NCOR2: variants seen among roughly 807,000 people sequenced by gnomAD.
The protein encoded by NCOR2 is CTG repeat protein 26.
In NCOR2, 81 loss-of-function variants were observed where a neutral mutation model predicts 262.9. The observed-to-expected ratio is 0.31, with a 90% CI of 0.26 to 0.37. NCOR2 has a LOEUF of 0.37. NCOR2 is among the 10% of genes least tolerant of loss of function. The pLI is 1.00. For missense variants in NCOR2, 3,385 were observed against 3,621.4 expected, an observed-to-expected ratio of 0.93 and a Z score of 1.68; for synonymous variants, 1,659 against 1,559.3, an observed-to-expected ratio of 1.06 and a Z score of -1.51.
chr12:124,372,153 C>A, exon 20 of NCOR2: 1 of 1,601,508 alleles, frequency 6.2e-7, no homozygotes. Context: ...TCTTCTCTGC[C>A]TTGAGCGCCC....
At chr12:124,488,944 A>G (rs941164668) in intron 1 of NCOR2, among the ~76,000 whole-genome samples, 13 of 151,624 alleles carry the variant, frequency 8.6e-5, no homozygotes, top group Non-Finnish European at 1.8e-4. Flanking sequence ...TCCTCCTAGG[A>G]GCATCTTGGG....
At chr12:124,339,865 T>G (rs772742514) in intron 37 of NCOR2, 141 bp downstream of exon 39, 16 of 950,174 alleles carry the variant, frequency 1.7e-5, no homozygotes, top group African/African-American at 2.8e-5. Context: ...TACTCACACA[T>G]AGTCTATTCT....
At chr12:124,398,838 A>C (rs531930800) in intron 15 of NCOR2, among the ~76,000 whole-genome samples, 11 of 152,186 alleles carry the variant, frequency 7.2e-5, no homozygotes, top group African/African-American at 2.6e-4. Flanking sequence ...TCATACCCCC[A>C]CTCATCCAGG....
intron 7 of NCOR2, among the ~76,000 whole-genome samples, chr12:124,445,360 G>A (rs11057627): frequency 0.12 from 18,459 of 152,170 alleles, 1,228 homozygotes; most frequent in East Asian, 0.19. Context: ...TGGTCTGAGC[G>A]CTCCCTCCTG....
chr12:124,343,480 C>A (rs976958643), intron 32 of NCOR2, among the ~76,000 whole-genome samples: 1 of 152,242 alleles, frequency 6.6e-6, no homozygotes, highest in Non-Finnish European at 1.5e-5. Flanking sequence ...ACGTGGCAAG[C>A]ATTGTTGTGA....
rs1397855150 is a variant in NCOR2 at position 124,481,068 on chromosome 12, C to G, written c.411+2528G>C. Among the ~76,000 whole-genome samples, 1 of 142,626 alleles carries G rather than the reference C, an allele frequency of 7.0e-6. No individual in the cohort carries two copies. Among genetic ancestry groups the G allele is most frequent in the Admixed American group, 7.2e-5 (1 of 13,972 alleles). 93.6% of individuals were successfully genotyped at this position (142,626 alleles called of 152,430 possible). A position where few individuals can be genotyped will look rare whatever the true frequency, so the allele number is the denominator to read the frequency against. On this transcript the variant is annotated intron_variant, in intron 3 of 46. Coordinates refer to ENST00000405201, the Ensembl canonical transcript of NCOR2. This position sits in a 1 kb window ranked among gnomAD's most constrained non-coding sequence, Gnocchi z 4.6. ...TAGGGAGGTTGCCCCAGGGGATGAG[C>G]AGGGAGAGATGGCAGGAGCTGAGGA...
upstream of NCOR2, chr12:124,567,527 G>C (rs1566067559): frequency 6.8e-6 from 1 of 146,436 alleles, no homozygotes; most frequent in Non-Finnish European, 1.5e-5. Flanking sequence ...CGCAGGGCTC[G>C]GGCGGGGCGC....
chr12:124,337,883 C>G (rs1182363414), intron 37 of NCOR2, among the ~76,000 whole-genome samples: 1 of 152,236 alleles, frequency 6.6e-6, no homozygotes, highest in Non-Finnish European at 1.5e-5. Flanking sequence ...CCCCATCTCT[C>G]GCTAACTCTA....
At chr12:124,412,069 G>A (rs2042614999) in intron 13 of NCOR2, among the ~76,000 whole-genome samples, 1 of 152,210 alleles carries the variant, frequency 6.6e-6, no homozygotes, top group South Asian at 2.1e-4. Context: ...CACATCCCTC[G>A]CCTCCAGCCG....
At chr12:124,456,571 C>T (rs1057264632) in intron 6 of NCOR2, among the ~76,000 whole-genome samples, 50 of 152,190 alleles carry the variant, frequency 3.3e-4, no homozygotes, top group African/African-American at 1.0e-3. Context: ...AAGGCAGGCG[C>T]GGCACCCGAT....
At chr12:124,496,065 C>T (rs918464458), upstream of NCOR2, among the ~76,000 whole-genome samples, 2 of 152,110 alleles carry the variant, frequency 1.3e-5, no homozygotes, top group Non-Finnish European at 2.9e-5. The surrounding 1 kb of genome is among the most constrained non-coding windows in gnomAD (Gnocchi z 4.4). Context: ...ATACTGGAGC[C>T]TTCCACGGGA....
intron 20 of NCOR2, 84 bp downstream of exon 22, chr12:124,371,938 C>T: frequency 7.3e-7 from 1 of 1,365,584 alleles, no homozygotes; most frequent in South Asian, 1.5e-5. Context: ...CAGAGCCAGA[C>T]TGGGTGCGGC....
At chr12:124,427,539 C>T (rs1397851110) in intron 10 of NCOR2, among the ~76,000 whole-genome samples, 2 of 152,214 alleles carry the variant, frequency 1.3e-5, no homozygotes, top group Non-Finnish European at 2.9e-5. Context: ...CCAGTTCAAA[C>T]GATCCAGCTG....
chr12:124,385,936 G>T (rs1290836126), intron 16 of NCOR2, 49 bp from the exon 19 acceptor site: 7 of 1,590,374 alleles, frequency 4.4e-6, no homozygotes, highest in Non-Finnish European at 5.1e-6. Flanking sequence ...CCGGCACGCA[G>T]AGGGGGCCTG....
chr12:124,558,878 T>C (rs913939157), intron 1 of NCOR2, among the ~76,000 whole-genome samples: 1 of 152,182 alleles, frequency 6.6e-6, no homozygotes, highest in Non-Finnish European at 1.5e-5. Flanking sequence ...CCAGGGAAAC[T>C]GAGGAACTCC....
intron 11 of NCOR2, among the ~76,000 whole-genome samples, chr12:124,424,857 TCCC>T (rs1194288028): frequency 6.6e-6 from 1 of 152,096 alleles, no homozygotes; most frequent in Non-Finnish European, 1.5e-5. Flanking sequence ...CTTCCCTGCG[TCCC>T]CTCCTGGCCA....
chr12:124,377,796 G>T (rs189679853), intron 18 of NCOR2, among the ~76,000 whole-genome samples: 1 of 150,726 alleles, frequency 6.6e-6, no homozygotes, highest in African/African-American at 2.4e-5. Context: ...CCGTGATCAC[G>T]TCACTGCACT....
chr12:124,340,867 G>A, intron 34 of NCOR2, 116 bp from the exon 37 acceptor site: 1 of 1,045,172 alleles, frequency 9.6e-7, no homozygotes, highest in East Asian at 3.2e-5. Context: ...CAGCAGAGCT[G>A]GTGGCAGGCA....
chr12:124,460,229 C>T (rs1216516645), intron 5 of NCOR2, among the ~76,000 whole-genome samples: 2 of 152,252 alleles, frequency 1.3e-5, no homozygotes, highest in East Asian at 3.8e-4. Context: ...AGTGCCTGGA[C>T]AGTGTCTGGC....
Sources: gnomAD v4.1 joint callset for allele counts (sites outside exome capture counted in the v4.1 genomes callset) on GRCh38, gnomAD v4.1.1 for gene constraint, Gnocchi (gnomAD v3.1) non-coding constraint, MANE v1.5 for transcripts, NCBI Gene and HGNC (gene_info 2026-07-23, HGNC 2026-07-21) for gene names.